Variants in TTC29 observed in about 807,000 individuals in gnomAD.
The protein encoded by TTC29 is tetratricopeptide repeat domain 29.
A neutral mutation model predicts 58.1 loss-of-function variants in TTC29; 49 were observed. The ratio of observed to expected loss-of-function variants is 0.84; its 90% CI spans 0.67 to 1.07. The LOEUF (loss-of-function observed/expected upper bound fraction) is 1.07. Ranked by LOEUF, TTC29 falls within the 50% of genes least tolerant of loss-of-function variation. The pLI is 0.00. For missense variants in TTC29, 582 were observed against 555.6 expected (o/e 1.05, Z -0.48); for synonymous variants, 209 against 196.8 (o/e 1.06, Z -0.52).
chr4:146,820,628 G>T (rs919226039), intron 9 of TTC29, among the ~76,000 whole-genome samples: 1 of 152,116 alleles, frequency 6.6e-6, no homozygotes, highest in Non-Finnish European at 1.5e-5. Context: ...GTTCATAGCA[G>T]CATTATTCAT....
At chr4:146,837,950 T>C (rs1728618263) in intron 8 of TTC29, among the ~76,000 whole-genome samples, 2 of 152,070 alleles carry the variant, frequency 1.3e-5, no homozygotes, top group South Asian at 4.1e-4. Flanking sequence ...TAAGTTTCAA[T>C]GGACACCAAA....
intron 8 of TTC29, among the ~76,000 whole-genome samples, chr4:146,856,255 C>T (rs2150191197): frequency 6.6e-6 from 1 of 152,082 alleles, no homozygotes; most frequent in Non-Finnish European, 1.5e-5. Flanking sequence ...AATGTGAATA[C>T]CTAGATACAA....
At chr4:146,879,377 A>T (rs899706290) in intron 6 of TTC29, among the ~76,000 whole-genome samples, 6 of 151,986 alleles carry the variant, frequency 3.9e-5, no homozygotes, top group Non-Finnish European at 8.8e-5. Flanking sequence ...TTGGATTTTT[A>T]AAATCATCTT....
intron 6 of TTC29, among the ~76,000 whole-genome samples, chr4:146,891,062 C>T (rs1377991038): frequency 6.6e-6 from 1 of 151,998 alleles, no homozygotes; most frequent in East Asian, 1.9e-4. Context: ...CTGACAACAG[C>T]AATGATGATG....
At chr4:146,939,445 ACT>A (rs376770643) in intron 3 of TTC29, among the ~76,000 whole-genome samples, 1 of 152,168 alleles carries the variant, frequency 6.6e-6, no homozygotes, top group East Asian at 1.9e-4. Flanking sequence ...ACAGAGTAAG[ACT>A]CTGCCTTAAA....
At chr4:146,791,513 C>T (rs891628327) in intron 11 of TTC29, among the ~76,000 whole-genome samples, 1 of 152,144 alleles carries the variant, frequency 6.6e-6, no homozygotes, top group African/African-American at 2.4e-5. Context: ...CACTGACCAG[C>T]CATTCCCCTG....
intron 9 of TTC29, chr4:146,831,631 A>C: frequency 2.6e-6 from 1 of 391,818 alleles, no homozygotes; most frequent in Non-Finnish European, 5.3e-6. Context: ...AAATTAAAAC[A>C]TCAGATTACC....
intron 11 of TTC29, among the ~76,000 whole-genome samples, chr4:146,729,574 G>A (rs542674791): frequency 1.3e-5 from 2 of 152,154 alleles, no homozygotes; most frequent in African/African-American, 2.4e-5. Context: ...GGTTCAAAAA[G>A]GTTTGCTTTG....
chr4:146,836,013 A>G (rs1337484934), intron 8 of TTC29, among the ~76,000 whole-genome samples: 1 of 152,122 alleles, frequency 6.6e-6, no homozygotes, highest in African/African-American at 2.4e-5. Flanking sequence ...CACTAACCTT[A>G]GAATAAGAAT....
intron 11 of TTC29, among the ~76,000 whole-genome samples, chr4:146,774,229 C>A (rs548308625): frequency 7.8e-4 from 118 of 152,148 alleles, no homozygotes; most frequent in Non-Finnish European, 1.6e-4. Flanking sequence ...TAATTCCCCT[C>A]AGTTCAGCTC....
chr4:146,834,200 C>T (rs1318657584), intron 8 of TTC29, among the ~76,000 whole-genome samples: 2 of 152,036 alleles, frequency 1.3e-5, no homozygotes, highest in Non-Finnish European at 2.9e-5. Flanking sequence ...ATGGTTTTTA[C>T]ATTATTTTAA....
At chr4:146,786,807 C>A (rs575488777) in intron 11 of TTC29, among the ~76,000 whole-genome samples, 3 of 152,134 alleles carry the variant, frequency 2.0e-5, no homozygotes, top group Admixed American at 6.5e-5. Flanking sequence ...AAAAATCTAA[C>A]CTTTATAAAA....
At chr4:146,778,266 T>C (rs920676768) in intron 11 of TTC29, among the ~76,000 whole-genome samples, 2 of 152,152 alleles carry the variant, frequency 1.3e-5, no homozygotes, top group African/African-American at 4.8e-5. Flanking sequence ...GGTTATAAAT[T>C]CCCCTTTAAG....
intron 12 of TTC29, 38 bp downstream of exon 12, chr4:146,707,446 TG>T: frequency 6.9e-7 from 1 of 1,454,900 alleles, no homozygotes; most frequent in Non-Finnish European, 9.6e-7. Context: ...TTGCGCAAAG[TG>T]GGTACTTAAT....
intron 11 of TTC29, among the ~76,000 whole-genome samples, chr4:146,777,646 C>T (rs1748210937): frequency 6.6e-6 from 1 of 152,124 alleles, no homozygotes; most frequent in Admixed American, 6.5e-5. Context: ...TTTTGTCTTA[C>T]TAGATTCTTA....
intron 4 of TTC29, among the ~76,000 whole-genome samples, chr4:146,915,626 T>A (rs1361218394): frequency 1.3e-5 from 2 of 152,078 alleles, no homozygotes; most frequent in Non-Finnish European, 2.9e-5. Flanking sequence ...AAATTACAAT[T>A]TATTTTACTT....
chr4:146,863,504 T>C (rs932488404), intron 8 of TTC29, among the ~76,000 whole-genome samples: 4 of 152,210 alleles, frequency 2.6e-5, no homozygotes. Context: ...ATAGGATAGA[T>C]GCAAAATCTC....
intron 11 of TTC29, among the ~76,000 whole-genome samples, chr4:146,770,852 C>T (rs891998794): frequency 3.9e-5 from 6 of 152,052 alleles, no homozygotes; most frequent in African/African-American, 1.4e-4. Flanking sequence ...CAGAGGAAAG[C>T]AGGGTAGCCT....
chr4:146,720,926 A>G (rs1417169004), intron 11 of TTC29, among the ~76,000 whole-genome samples: 3 of 152,142 alleles, frequency 2.0e-5, no homozygotes, highest in African/African-American at 7.2e-5. Context: ...ACCCAAGTGA[A>G]AAACACACAT....
Sources: gnomAD v4.1 joint callset for allele counts (sites outside exome capture counted in the v4.1 genomes callset) on GRCh38, gnomAD v4.1.1 for gene constraint, MANE v1.5 for transcripts, NCBI Gene and HGNC (gene_info 2026-07-23, HGNC 2026-07-21) for gene names.